The following PLSCR2 variants were observed in gnomAD, a reference collection of about 807,000 sequenced individuals.
PLSCR2 encodes the protein PL scramblase 2.
A neutral mutation model predicts 25.3 loss-of-function variants in PLSCR2; 18 were observed. That is an observed-to-expected ratio of 0.71 (90% CI 0.49 to 1.06). PLSCR2 has a LOEUF of 1.06. Among genes scored for constraint, PLSCR2 ranks in the 50% least tolerant of loss-of-function variants. The pLI is 0.00. For missense variants in PLSCR2, 243 were observed against 269.5 expected (o/e 0.90, Z 0.69); for synonymous variants, 88 against 87.3 (o/e 1.01, Z -0.04).
At chr3:146,412,684 C>T (rs2108046280) in intron 2 of PLSCR2, among the ~76,000 whole-genome samples, 1 of 152,300 alleles carries the variant, frequency 6.6e-6, no homozygotes, top group Admixed American at 6.5e-5. Context: ...AGAGCAATGA[C>T]AAGAGCACAC....
intron 1 of PLSCR2, among the ~76,000 whole-genome samples, chr3:146,472,757 C>T (rs1375024724): frequency 2.0e-5 from 3 of 152,156 alleles, no homozygotes; most frequent in Admixed American, 1.3e-4. Context: ...AACATTCAGA[C>T]AATAGCAACA....
intron 1 of PLSCR2, among the ~76,000 whole-genome samples, chr3:146,486,080 T>C (rs1401418326): frequency 2.0e-5 from 3 of 151,732 alleles, no homozygotes; most frequent in Non-Finnish European, 4.4e-5. Context: ...CAGTAAATAA[T>C]GAAATTAAGG....
At chr3:146,473,174 T>C (rs2042172527) in intron 1 of PLSCR2, among the ~76,000 whole-genome samples, 1 of 152,188 alleles carries the variant, frequency 6.6e-6, no homozygotes, top group Non-Finnish European at 1.5e-5. Flanking sequence ...ATTCTCAAAT[T>C]TGTTGAAATC....
chr3:146,410,764 T>C (rs1266314050), intron 2 of PLSCR2, among the ~76,000 whole-genome samples: 8 of 152,232 alleles, frequency 5.3e-5, no homozygotes, highest in Admixed American at 5.2e-4. Flanking sequence ...TAAACAGTTA[T>C]AACAGTTTTC....
rs766554394 is a variant in PLSCR2 at position 146,459,847 on chromosome 3, C to A, written c.57+1G>T. ...TGAGTATTTTACGTATTTGAAATTA[C>A]CTGACTTAAGTATTCCAATCCTGGC... On this transcript the variant is annotated splice_donor_variant, in intron 2 of 6. Transcript: ENST00000610787. LOFTEE classifies it high-confidence loss of function. 4.4e-6 allele frequency: 7 copies of A among 1,575,782 alleles called. No homozygotes were observed. The South Asian group carries it at 4.6e-5, about 10-fold the overall frequency.
At chr3:146,458,857 C>T (rs1403908469) in intron 2 of PLSCR2, among the ~76,000 whole-genome samples, 1 of 151,842 alleles carries the variant, frequency 6.6e-6, no homozygotes, top group Non-Finnish European at 1.5e-5. Flanking sequence ...ATAATTTCTT[C>T]TATATATTTT....
At chr3:146,462,611 A>G (rs751123828), upstream of PLSCR2, among the ~76,000 whole-genome samples, 7 of 151,572 alleles carry the variant, frequency 4.6e-5, no homozygotes, top group Admixed American at 2.0e-4. Flanking sequence ...GATTACAGGC[A>G]CACGCCACCA....
upstream of PLSCR2, among the ~76,000 whole-genome samples, chr3:146,462,291 T>G (rs1204952903): frequency 6.6e-6 from 1 of 151,978 alleles, no homozygotes; most frequent in Non-Finnish European, 1.5e-5. Context: ...AAGGTCTCAT[T>G]ATGTTGCCCA....
intron 2 of PLSCR2, among the ~76,000 whole-genome samples, chr3:146,404,775 G>A (rs2038596085): frequency 8.1e-6 from 1 of 122,934 alleles, no homozygotes; most frequent in Non-Finnish European, 1.6e-5. Flanking sequence ...ATAGGCATAG[G>A]ACAAACATTT....
At chr3:146,455,617 G>A (rs1271595074) in intron 3 of PLSCR2, among the ~76,000 whole-genome samples, 158 bp from the exon 4 acceptor site, 1 of 152,094 alleles carries the variant, frequency 6.6e-6, no homozygotes, top group African/African-American at 2.4e-5. Flanking sequence ...AAAGGCAAAG[G>A]AAAAAGAGGA....
At chr3:146,424,366 T>A (rs2039263660) in intron 2 of PLSCR2, among the ~76,000 whole-genome samples, 1 of 152,050 alleles carries the variant, frequency 6.6e-6, no homozygotes, top group African/African-American at 2.4e-5. Context: ...ATAGGCTCCA[T>A]CTCCAAATAC....
At chr3:146,405,867 TA>T (rs577298687) in intron 2 of PLSCR2, among the ~76,000 whole-genome samples, 4 of 152,246 alleles carry the variant, frequency 2.6e-5, no homozygotes, top group South Asian at 2.1e-4. Context: ...TTAGAGTATA[TA>T]TTTTTTTATT....
intron 2 of PLSCR2, chr3:146,398,630 TATG>T (rs1413422925): frequency 5.3e-5 from 8 of 151,972 alleles, no homozygotes; most frequent in African/African-American, 1.9e-4. Flanking sequence ...CTAATTTTAA[TATG>T]ATATTACAAC....
At position 146,427,863 on chromosome 3, in the gene PLSCR2, C is replaced by T. The variant is rs116463941; in HGVS notation, c.100+30548G>A. On this transcript the variant is annotated intron_variant and NMD_transcript_variant, in intron 2 of 3. Transcript: ENST00000463633. ...AATATACCTAACAAAACCAATAGCC[C>T]AGAGCAATATCTTTGTATGTATTTA... Among the ~76,000 whole-genome samples, 994 of 152,192 alleles carry T rather than the reference C, an allele frequency of 6.5e-3. 8 individuals carry two copies. Among genetic ancestry groups the T allele is most frequent in the Middle Eastern group, 0.014 (4 of 294 alleles).
chr3:146,483,479 GTATATATATATATA>G (rs56655616), intron 1 of PLSCR2, among the ~76,000 whole-genome samples: 8 of 54,832 alleles, frequency 1.5e-4, no homozygotes, highest in Non-Finnish European at 1.9e-4. Context: ...ATATACATGT[GTATATATATATATA>G]TATATATATA....
At position 146,448,616 on chromosome 3, in the gene PLSCR2, G is replaced by A. The variant is rs142820348; in HGVS notation, c.645+590C>T. On this transcript the variant is annotated intron_variant, in intron 6 of 6. Coordinates refer to ENST00000610787, the Ensembl canonical transcript of PLSCR2. ...TTTGGCTGCATGTTCGTATCATCTG[G>A]GGCACTACACAAACTTCTGACTCTG... 7.2e-4 allele frequency among the ~76,000 whole-genome samples: 110 copies of A among 152,220 alleles called. 1 individual carries two copies. The East Asian group carries it at 0.018, about 25-fold the overall frequency.
chr3:146,469,468 A>G, intron 1 of PLSCR2, 27 bp downstream of exon 1: 6 of 952,492 alleles, frequency 6.3e-6, no homozygotes, highest in Middle Eastern at 5.3e-4. Flanking sequence ...TCCCATAGGG[A>G]GGCGACTGAG....
exon 2 of PLSCR2, chr3:146,459,963 G>A: frequency 6.2e-7 from 1 of 1,614,104 alleles, no homozygotes; most frequent in Non-Finnish European, 8.5e-7. Flanking sequence ...AGCTGTGCCA[G>A]CAGGTGGGAC....
Position 146,490,310 on chromosome 3 carries a change from C to G in PLSCR2, c.-293+5585G>C, listed in dbSNP as rs113813277. On this transcript the variant is annotated intron_variant, in intron 1 of 8. Coordinates refer to the PLSCR2 transcript ENST00000336685. ...TAGCTCTCAAGGCCTGAGAATATTC[C>G]TTTGTGGTTGTCAGCTCCATTCTCT... 8.0e-3 allele frequency among the ~76,000 whole-genome samples: 1,225 copies of G among 152,186 alleles called. 13 individuals are homozygous for G. Among genetic ancestry groups the G allele is most frequent in the South Asian group, 0.019 (91 of 4,822 alleles).
Sources: gnomAD v4.1 joint callset for allele counts (sites outside exome capture counted in the v4.1 genomes callset) on GRCh38, gnomAD v4.1.1 for gene constraint, MANE v1.5 for transcripts, NCBI Gene and HGNC (gene_info 2026-07-23, HGNC 2026-07-21) for gene names.